The following ITPR1 variants were observed in gnomAD, a reference collection of about 807,000 sequenced individuals.
ITPR1 encodes the protein inositol 1,4,5-trisphosphate-gated calcium channel ITPR1.
A neutral mutation model predicts 318.4 loss-of-function variants in ITPR1; 96 were observed. The observed-to-expected ratio is 0.30, with a 90% CI of 0.26 to 0.36. ITPR1 has a LOEUF of 0.36. Among genes scored for constraint, ITPR1 ranks in the 10% least tolerant of loss-of-function variants. ITPR1 has a pLI of 1.00. For synonymous variants in ITPR1, 1,312 were observed against 1,289.9 expected, an observed-to-expected ratio of 1.02 and a Z score of -0.37; for missense variants, 2,440 against 3,460.2, an observed-to-expected ratio of 0.71 and a Z score of 7.40.
chr3:4,805,552 G>A (rs2048500449), intron 54 of ITPR1, among the ~76,000 whole-genome samples: 1 of 152,112 alleles, frequency 6.6e-6, no homozygotes, highest in South Asian at 2.1e-4. Flanking sequence ...AGAGGGCAGG[G>A]GAATAGAACT....
At chr3:4,681,306 A>T in intron 25 of ITPR1, 58 bp from the exon 26 acceptor site, 1 of 1,206,478 alleles carries the variant, frequency 8.3e-7, no homozygotes, top group Non-Finnish European at 1.2e-6. Context: ...GGATGAGTTC[A>T]CCAGCAGCAT....
At chr3:4,842,724 T>G (rs1340379368) in intron 61 of ITPR1, among the ~76,000 whole-genome samples, 1 of 152,188 alleles carries the variant, frequency 6.6e-6, no homozygotes, top group Admixed American at 6.5e-5. Context: ...TGTTTCAATA[T>G]TAGAATTTTG....
At chr3:4,806,291 T>C (rs903859131) in intron 55 of ITPR1, 24 bp downstream of exon 55, 4 of 1,608,838 alleles carry the variant, frequency 2.5e-6, no homozygotes, top group Non-Finnish European at 3.4e-6. Flanking sequence ...GTGGAAATAT[T>C]TTATGTGTGG....
intron 4 of ITPR1, among the ~76,000 whole-genome samples, chr3:4,557,726 A>G (rs1436618508): frequency 6.6e-6 from 1 of 152,126 alleles, no homozygotes; most frequent in African/African-American, 2.4e-5. Flanking sequence ...TGCAGATTTT[A>G]TACTTTTTTC....
chr3:4,805,047 G>C (rs1374165310), intron 54 of ITPR1, among the ~76,000 whole-genome samples: 1 of 152,182 alleles, frequency 6.6e-6, no homozygotes, highest in Non-Finnish European at 1.5e-5. Context: ...TCAAAGGTGA[G>C]ACTATATTGC....
rs7628064 is a variant in ITPR1, at chr3:4,681,666, A to G, written c.3161+248A>G. 0.25 allele frequency among the ~76,000 whole-genome samples: 32,043 copies of G among 130,134 alleles called. 3,715 individuals carry two copies. Among genetic ancestry groups the G allele is most frequent in the South Asian group, 0.43 (1,739 of 4,074 alleles). 85.4% of individuals were successfully genotyped at this position (130,134 alleles called of 152,430 possible). On this transcript the variant is annotated intron_variant, in intron 26 of 61. Coordinates refer to ENST00000649015, the MANE Select transcript of ITPR1 (RefSeq NM_001378452.1). ...GTGTGTGTGTGTGTGTGTCCCACCTAGGACAGAAAGGATTTAAGGAGATTT... is the reference window on the plus strand; with the variant it reads ...GTGTGTGTGTGTGTGTGTCCCACCTGGGACAGAAAGGATTTAAGGAGATTT...
At chr3:4,733,307 T>G in intron 43 of ITPR1, 87 bp downstream of exon 43, 1 of 1,466,750 alleles carries the variant, frequency 6.8e-7, no homozygotes, top group South Asian at 1.2e-5. Context: ...GTTGAAATGC[T>G]CACAACAGAT....
intron 4 of ITPR1, among the ~76,000 whole-genome samples, chr3:4,526,130 C>T: frequency 6.6e-6 from 1 of 152,186 alleles, no homozygotes; most frequent in East Asian, 1.9e-4. Context: ...GCTCCAAATT[C>T]TTGATGTTGG....
chr3:4,519,041 C>T (rs956603816), intron 3 of ITPR1, among the ~76,000 whole-genome samples: 4 of 152,082 alleles, frequency 2.6e-5, no homozygotes, highest in Non-Finnish European at 2.9e-5. Flanking sequence ...ACATCCCCCT[C>T]GTTAAGAATC....
chr3:4,558,122 G>A (rs1249361382), intron 4 of ITPR1, among the ~76,000 whole-genome samples: 1 of 152,180 alleles, frequency 6.6e-6, no homozygotes, highest in Non-Finnish European at 1.5e-5. Context: ...TAGATGTTCT[G>A]AGTTAGAATT....
At chr3:4,613,880 C>A (rs1015119029) in intron 4 of ITPR1, among the ~76,000 whole-genome samples, 3 of 152,108 alleles carry the variant, frequency 2.0e-5, no homozygotes, top group African/African-American at 7.2e-5. Flanking sequence ...TGCATATGTG[C>A]ATTTCCACAT....
chr3:4,668,330 T>C (rs916363509), intron 18 of ITPR1, among the ~76,000 whole-genome samples: 2 of 152,018 alleles, frequency 1.3e-5, no homozygotes, highest in Non-Finnish European at 2.9e-5. Flanking sequence ...TTCAATTGTT[T>C]TGATTTTTAG....
At chr3:4,592,436 A>T (rs1405342559) in intron 4 of ITPR1, among the ~76,000 whole-genome samples, 2 of 152,138 alleles carry the variant, frequency 1.3e-5, no homozygotes, top group Non-Finnish European at 2.9e-5. Context: ...CTTTAGGCAG[A>T]GTGATTCCTC....
At chr3:4,782,125 T>C (rs1275934916) in intron 49 of ITPR1, among the ~76,000 whole-genome samples, 1 of 152,372 alleles carries the variant, frequency 6.6e-6, no homozygotes, top group Non-Finnish European at 1.5e-5. Flanking sequence ...TTATTTTCAT[T>C]TGGAGTAGGC....
intron 39 of ITPR1, among the ~76,000 whole-genome samples, chr3:4,715,775 C>T (rs1008393602): frequency 1.3e-5 from 2 of 152,122 alleles, no homozygotes; most frequent in Admixed American, 1.3e-4. Context: ...ATTACTTGAA[C>T]CCAGGAGGTG....
At chr3:4,823,640 GAT>G (rs1388836610) in intron 60 of ITPR1, among the ~76,000 whole-genome samples, 2 of 152,132 alleles carry the variant, frequency 1.3e-5, no homozygotes, top group African/African-American at 4.8e-5. Flanking sequence ...CAAGTGGAAA[GAT>G]AGATAACAGA....
intron 4 of ITPR1, among the ~76,000 whole-genome samples, chr3:4,610,554 T>G (rs2092007101): frequency 6.7e-6 from 1 of 149,386 alleles, no homozygotes; most frequent in African/African-American, 2.6e-5. Context: ...TCCTCAGAGA[T>G]TCTTAAGTAT....
At chr3:4,842,710 T>C (rs1366512783) in intron 61 of ITPR1, among the ~76,000 whole-genome samples, 1 of 152,188 alleles carries the variant, frequency 6.6e-6, no homozygotes, top group Non-Finnish European at 1.5e-5. Context: ...CTACTCAAAA[T>C]AGATGTTTCA....
intron 4 of ITPR1, among the ~76,000 whole-genome samples, chr3:4,611,646 G>A (rs1395849857): frequency 6.6e-6 from 1 of 151,980 alleles, no homozygotes; most frequent in Non-Finnish European, 1.5e-5. Flanking sequence ...TCGGGAGGCT[G>A]AGGTGAGAGA....
Sources: gnomAD v4.1 joint callset for allele counts (sites outside exome capture counted in the v4.1 genomes callset) on GRCh38, gnomAD v4.1.1 for gene constraint, MANE v1.5 for transcripts, NCBI Gene and HGNC (gene_info 2026-07-23, HGNC 2026-07-21) for gene names.